ZNF30: variants seen among roughly 807,000 people sequenced by gnomAD.
ZNF30 encodes the protein zinc finger protein 30, also known as zinc finger protein 30 (KOX 28).
In ZNF30, 15 loss-of-function variants were observed where a neutral mutation model predicts 13.2. The ratio of observed to expected loss-of-function variants is 1.13; its 90% CI spans 0.76 to 1.75. The LOEUF (loss-of-function observed/expected upper bound fraction) is 1.75. ZNF30 is among the 40% of genes most tolerant of loss of function. The pLI is 0.00. For synonymous variants in ZNF30, 223 were observed against 256.6 expected (o/e 0.87, Z 1.25); for missense variants, 726 against 757.0 (o/e 0.96, Z 0.48).
intron 4 of ZNF30, among the ~76,000 whole-genome samples, chr19:34,941,020 A>C (rs1366508582): frequency 1.3e-5 from 2 of 152,246 alleles, no homozygotes; most frequent in Middle Eastern, 3.2e-3. Flanking sequence ...CATTCTTCTC[A>C]TAAGAATAAT....
chr19:34,930,016 A>G (rs1007592073), intron 2 of ZNF30, 60 bp downstream of exon 2: 3 of 1,498,296 alleles, frequency 2.0e-6, no homozygotes, highest in African/African-American at 2.8e-5. Flanking sequence ...TATTTTCCTT[A>G]ATTGACCTGA....
chr19:34,931,934 C>T lies in ZNF30; in HGVS notation c.101C>T (p.Ser34Phe), dbSNP rs751083228. The T allele has an allele frequency of 6.2e-7, 1 of 1,613,206 alleles. No homozygotes were observed. Among genetic ancestry groups the T allele is most frequent in the Non-Finnish European group, 8.5e-7 (1 of 1,179,680 alleles). ...SQQEWESLDS[S>F]QRGLYRDVML... ...CAGGAGTGGGAGAGTCTGGACTCTT[C>T]CCAGAGGGGCTTGTACAGAGATGTG... Residue 34 changes from serine to phenylalanine, a missense_variant, in exon 3 of 5, where the codon TCC (serine) becomes TTC (phenylalanine). Physicochemically the swap from Ser to Phe is radical, Grantham distance 155 (BLOSUM62 -2). Transcript: ENST00000601142.
At chr19:34,929,541 G>A (rs985254997) in intron 1 of ZNF30, among the ~76,000 whole-genome samples, 1 of 152,178 alleles carries the variant, frequency 6.6e-6, no homozygotes, top group Non-Finnish European at 1.5e-5. Flanking sequence ...TCTGGATTGG[G>A]TGATATGGAC....
At chr19:34,941,506 G>A (rs953001146) in intron 4 of ZNF30, among the ~76,000 whole-genome samples, 1 of 152,146 alleles carries the variant, frequency 6.6e-6, no homozygotes, top group Non-Finnish European at 1.5e-5. Context: ...TTCATGATCT[G>A]CCCACTGGTT....
Position 34,931,871 on chromosome 19 carries a change from C to T in ZNF30, c.38C>T (p.Ser13Leu), listed in dbSNP as rs2012470249. ...TATGTGGGTTTGCAGTATCACGGATCAGTGACATTTGAGGATGTGGCCATA... is the reference window on the plus strand; with the variant it reads ...TATGTGGGTTTGCAGTATCACGGATTAGTGACATTTGAGGATGTGGCCATA... Reference protein sequence around the residue: ...HKYVGLQYHGSVTFEDVAIAF... With the variant: ...HKYVGLQYHGLVTFEDVAIAF... Residue 13 changes from serine to leucine, a missense_variant, in exon 3 of 5, where the codon TCA becomes TTA. Coordinates refer to ENST00000601142, the MANE Select transcript of ZNF30 (RefSeq NM_194325.3). The T allele has an allele frequency of 6.2e-7, 1 of 1,612,270 alleles. No individual in the cohort carries two copies. Among genetic ancestry groups the T allele is most frequent in the Non-Finnish European group, 8.5e-7 (1 of 1,179,432 alleles).
chr19:34,944,261 A>C lies in ZNF30; in HGVS notation c.1295A>C (p.Glu432Ala), dbSNP rs773157274. Residue 432 changes from glutamate (E) to alanine (A), a missense_variant, in exon 5 of 5, where the codon GAA (glutamate) becomes GCA (alanine). By Grantham distance (107) the Glu-to-Ala change is moderately radical. Coordinates refer to ENST00000601142, the MANE Select transcript of ZNF30 (RefSeq NM_194325.3). ...GGGGAGAAACCCTATGAATGTAAGG[A>C]ATGTGGCAAAGCCTTTATTAGTCGC... ...HTGEKPYECK[E>A]CGKAFISRHQ... The C allele has an allele frequency of 6.2e-7, 1 of 1,613,528 alleles. No homozygotes were observed.
intron 4 of ZNF30, 48 bp downstream of exon 4, chr19:34,933,771 C>A: frequency 7.7e-7 from 1 of 1,304,366 alleles, no homozygotes; most frequent in Non-Finnish European, 1.1e-6. Context: ...CTGGAAACAG[C>A]CCAGCTGTCA....
rs985226351 is a variant in ZNF30, at chr19:34,941,052, G to A, written c.257-2171G>A. ...TAATATTTCTTGCTTGAAAGGCACG[G>A]TACTTTTTCTAAACAATGTATTTTG... On this transcript the variant is annotated intron_variant, in intron 4 of 4. Transcript: ENST00000601142. Among the ~76,000 whole-genome samples, 13 of 152,150 alleles carry A rather than the reference G, an allele frequency of 8.5e-5. 1 individual carries two copies. Among genetic ancestry groups the A allele is most frequent in the African/African-American group, 3.1e-4 (13 of 41,410 alleles).
At chr19:34,940,453 A>G (rs749043021) in intron 4 of ZNF30, among the ~76,000 whole-genome samples, 6 of 152,090 alleles carry the variant, frequency 3.9e-5, no homozygotes, top group Non-Finnish European at 7.4e-5. Flanking sequence ...AGATCACCTG[A>G]GGTGAGGAGT....
At chr19:34,927,316 G>A in intron 1 of ZNF30, 100 bp downstream of exon 1, 1 of 321,562 alleles carries the variant, frequency 3.1e-6, no homozygotes, top group Non-Finnish European at 5.6e-6. Context: ...CATCCGCGAA[G>A]ACTGGGTGCA....
At chr19:34,937,356 T>C (rs948941767) in intron 4 of ZNF30, among the ~76,000 whole-genome samples, 6 of 151,972 alleles carry the variant, frequency 3.9e-5, no homozygotes, top group Non-Finnish European at 1.5e-5. Flanking sequence ...TAGAGGAGGC[T>C]GCAAAAGAGA....
Position 34,943,978 on chromosome 19 carries a change from C to T in ZNF30, c.1012C>T (p.His338Tyr), listed in dbSNP as rs758326215. 1 of 1,614,066 alleles carries T rather than the reference C, an allele frequency of 6.2e-7. No homozygotes were observed. Among genetic ancestry groups the T allele is most frequent in the South Asian group, 1.1e-5 (1 of 91,080 alleles). Reference protein sequence around the residue: ...YGQLTRHQSIHTGEKPFECKE... With the variant: ...YGQLTRHQSIYTGEKPFECKE... ...ACAGCTTACTCGACATCAGAGTATT[C>T]ATACTGGTGAGAAACCTTTTGAATG... The change falls in exon 5 of 5, where the codon CAT becomes TAT. Residue 338 changes from histidine to tyrosine, a missense_variant. His to Tyr is a moderately conservative substitution (Grantham distance 83). Transcript: ENST00000601142.
intron 2 of ZNF30, 143 bp from the exon 3 acceptor site, chr19:34,931,700 G>C: frequency 1.4e-6 from 1 of 735,298 alleles, no homozygotes; most frequent in Non-Finnish European, 2.2e-6. Flanking sequence ...GATTCTTCCA[G>C]AACATGCAGA....
At chr19:34,931,222 G>C (rs2012435622) in intron 2 of ZNF30, among the ~76,000 whole-genome samples, 1 of 151,910 alleles carries the variant, frequency 6.6e-6, no homozygotes, top group Non-Finnish European at 1.5e-5. Flanking sequence ...ATTTTTAGTA[G>C]AGATGAGTTT....
upstream of ZNF30, among the ~76,000 whole-genome samples, chr19:34,925,489 G>A (rs1032357250): frequency 2.6e-5 from 4 of 152,224 alleles, no homozygotes; most frequent in Non-Finnish European, 4.4e-5. Context: ...CTGCCCGCGT[G>A]CCAGCGTCTG....
At position 34,943,406 on chromosome 19, in the gene ZNF30, C is replaced by T. The variant is rs779449857; in HGVS notation, c.440C>T (p.Pro147Leu). 10 of 1,613,864 alleles carry T rather than the reference C, an allele frequency of 6.2e-6. No homozygotes were observed. The highest frequency in any genetic ancestry group is 8.5e-6 in the Non-Finnish European group (10 of 1,179,880). The change falls in exon 5 of 5, where the codon CCC (proline) becomes CTC (leucine). Residue 147 changes from proline (P) to leucine (L), a missense_variant. By Grantham distance (98) the Pro-to-Leu change is moderately conservative. Transcript: ENST00000601142. ...QHERIHSSEK[P>L]NRCKECGKNF... The stretch of plus-strand genomic sequence containing the variant: ...GAAAGAATACATAGTAGTGAAAAAC[C>T]CAACAGATGTAAAGAATGTGGGAAG...
At chr19:34,925,037 C>T (rs2012014316), upstream of ZNF30, among the ~76,000 whole-genome samples, 1 of 152,226 alleles carries the variant, frequency 6.6e-6, no homozygotes, top group Non-Finnish European at 1.5e-5. Context: ...GTCCCCCTGG[C>T]AGGGCGTGCG....
intron 3 of ZNF30, among the ~76,000 whole-genome samples, chr19:34,932,477 C>T (rs2012502338): frequency 6.6e-6 from 1 of 152,104 alleles, no homozygotes; most frequent in Non-Finnish European, 1.5e-5. Flanking sequence ...ATATAGATGT[C>T]TAAGCAGACT....
At chr19:34,939,044 A>T (rs2012887121) in intron 4 of ZNF30, among the ~76,000 whole-genome samples, 1 of 151,870 alleles carries the variant, frequency 6.6e-6, no homozygotes, top group Non-Finnish European at 1.5e-5. Flanking sequence ...ACATTTAGGG[A>T]AGCTCAGAGT....
Sources: gnomAD v4.1 joint callset for allele counts (sites outside exome capture counted in the v4.1 genomes callset) on GRCh38, gnomAD v4.1.1 for gene constraint, MANE v1.5 for transcripts, NCBI Gene and HGNC (gene_info 2026-07-23, HGNC 2026-07-21) for gene names.